EIF2S1: variants seen among roughly 807,000 people sequenced by gnomAD.
EIF2S1 encodes eukaryotic translation initiation factor 2 subunit 1.
A neutral mutation model predicts 33.5 loss-of-function variants in EIF2S1; 5 were observed. That is an observed-to-expected ratio of 0.15 (90% CI 0.08 to 0.31). The LOEUF (loss-of-function observed/expected upper bound fraction) is 0.31. EIF2S1 is among the 10% of genes least tolerant of loss of function. The pLI is 1.00. For missense variants in EIF2S1, 191 were observed against 384.6 expected, an observed-to-expected ratio of 0.50 and a Z score of 4.21; for synonymous variants, 99 against 127.5, an observed-to-expected ratio of 0.78 and a Z score of 1.51.
At chr14:67,377,083 A>T (rs1225258283) in intron 4 of EIF2S1, among the ~76,000 whole-genome samples, 1 of 152,158 alleles carries the variant, frequency 6.6e-6, no homozygotes, top group Non-Finnish European at 1.5e-5. Context: ...TTAATTCTGT[A>T]TGTTAGGATC....
At chr14:67,364,564 T>C (rs1242571186) in intron 1 of EIF2S1, 2 of 507,488 alleles carry the variant, frequency 3.9e-6, no homozygotes, top group Non-Finnish European at 6.8e-6. Context: ...ACAAAAATGT[T>C]GAGCAAAATA....
At chr14:67,379,356 T>A (rs2085873829) in intron 4 of EIF2S1, among the ~76,000 whole-genome samples, 1 of 152,250 alleles carries the variant, frequency 6.6e-6, no homozygotes. Flanking sequence ...CACAGTAGTA[T>A]CTTTTGATTT....
At position 67,385,166 on chromosome 14, in the gene EIF2S1, CAAAACTT is replaced by C. The variant is rs2085913690; in HGVS notation, c.*1731_*1737del. ...CTGATACCACGAGGAAAAGAACAAA[CAAAACTT>C]AAAAGTATTCATACACCTTGCTAAC... On this transcript the variant is annotated 3_prime_UTR_variant, in exon 8 of 8. Coordinates refer to ENST00000256383, the MANE Select transcript of EIF2S1 (RefSeq NM_004094.5). The C allele has an allele frequency of 6.6e-6, 1 of 152,066 alleles. No individual in the cohort carries two copies. The highest frequency in any genetic ancestry group is 1.5e-5 in the Non-Finnish European group (1 of 68,018). The allele number at this position is 152,066 out of a possible 1,614,324, so 9.4% of individuals were successfully genotyped here.
intron 7 of EIF2S1, 29 bp from the exon 8 acceptor site, chr14:67,383,286 A>G (rs903889605): frequency 8.1e-6 from 13 of 1,609,078 alleles, no homozygotes; most frequent in Admixed American, 5.0e-5. Context: ...TTACTACTTC[A>G]GTTTGAAATT....
At chr14:67,363,015 C>T (rs1595642678) in intron 1 of EIF2S1, among the ~76,000 whole-genome samples, 1 of 152,168 alleles carries the variant, frequency 6.6e-6, no homozygotes, top group African/African-American at 2.4e-5. Flanking sequence ...CAAATTAAGC[C>T]TTGCTTCCCC....
intron 1 of EIF2S1, among the ~76,000 whole-genome samples, chr14:67,362,667 A>G (rs1027789588): frequency 6.6e-6 from 1 of 152,184 alleles, no homozygotes; most frequent in African/African-American, 2.4e-5. Flanking sequence ...TGAGGACCAA[A>G]TAAAATAAGA....
intron 4 of EIF2S1, among the ~76,000 whole-genome samples, chr14:67,378,080 A>G (rs1476588725): frequency 2.6e-5 from 4 of 151,438 alleles, no homozygotes; most frequent in African/African-American, 9.7e-5. Flanking sequence ...TTGTGATTGC[A>G]CCACTGCACT....
chr14:67,374,908 T>C (rs1012534318), intron 3 of EIF2S1, among the ~76,000 whole-genome samples: 2 of 152,176 alleles, frequency 1.3e-5, no homozygotes, highest in African/African-American at 2.4e-5. Context: ...TTGGCCAAAA[T>C]ACAGTTCTTG....
chr14:67,371,437 TAAG>T (rs2085820708), intron 2 of EIF2S1, among the ~76,000 whole-genome samples: 2 of 151,896 alleles, frequency 1.3e-5, no homozygotes, highest in African/African-American at 4.8e-5. Context: ...AAAAAAAAGT[TAAG>T]GAGGCGGGAA....
At chr14:67,383,126 A>G (rs1480512065) in intron 7 of EIF2S1, among the ~76,000 whole-genome samples, 189 bp from the exon 8 acceptor site, 1 of 152,174 alleles carries the variant, frequency 6.6e-6, no homozygotes, top group Non-Finnish European at 1.5e-5. Context: ...TTTCTATACT[A>G]TTCTCATAAG....
chr14:67,361,748 A>C (rs1339129473), intron 1 of EIF2S1, among the ~76,000 whole-genome samples: 1 of 152,254 alleles, frequency 6.6e-6, no homozygotes, highest in Non-Finnish European at 1.5e-5. Context: ...ATCAGAACAC[A>C]TAAGAGTATT....
chr14:67,384,298 T>C lies in EIF2S1; in HGVS notation c.*858T>C, dbSNP rs1229331432. 1 of 152,102 alleles carries C rather than the reference T, an allele frequency of 6.6e-6. No homozygotes were observed. Among genetic ancestry groups the C allele is most frequent in the African/African-American group, 2.4e-5 (1 of 41,442 alleles). The allele number at this position is 152,102 out of a possible 1,614,324, so 9.4% of individuals were successfully genotyped here. ...TTTTATTTTTATTGCTATTAAAATA[T>C]CCACTAGATGCCACCTAGAGCTCCA... is the stretch of plus-strand genomic sequence containing the variant. On this transcript the variant is annotated 3_prime_UTR_variant, in exon 8 of 8. Transcript: ENST00000256383.
chr14:67,374,588 G>A (rs932139438), intron 3 of EIF2S1, 41 bp downstream of exon 3: 13 of 1,325,450 alleles, frequency 9.8e-6, no homozygotes, highest in African/African-American at 1.5e-5. Context: ...CTATCTGTGT[G>A]TTTAATAAAT....
chr14:67,375,253 T>C, intron 3 of EIF2S1, among the ~76,000 whole-genome samples: 1 of 145,560 alleles, frequency 6.9e-6, no homozygotes, highest in South Asian at 2.1e-4. Flanking sequence ...TGTGTGTGTG[T>C]GTGTGTGTGT....
Position 67,380,676 on chromosome 14 carries a change from A to G in EIF2S1, c.491A>G (p.Asp164Gly), listed in dbSNP as rs765926237. ...TTGACCAGAGACCCATCTATTTTGGATAGTTTAGATTTGAATGAAGATGAA... is the reference window on the plus strand; with the variant it reads ...TTGACCAGAGACCCATCTATTTTGGGTAGTTTAGATTTGAATGAAGATGAA... The part of the protein sequence containing the change: ...KHAVSDPSIL[D>G]SLDLNEDERE... Residue 164 changes from aspartate to glycine, a missense_variant, in exon 5 of 8, where the codon GAT becomes GGT. Transcript: ENST00000256383. 41 of 1,566,104 alleles carry G rather than the reference A, an allele frequency of 2.6e-5. No homozygotes were observed. The highest frequency in any genetic ancestry group is 3.5e-5 in the Non-Finnish European group (40 of 1,158,922).
chr14:67,363,837 C>T (rs1041844422), intron 1 of EIF2S1, among the ~76,000 whole-genome samples: 8 of 152,248 alleles, frequency 5.3e-5, no homozygotes, highest in African/African-American at 1.9e-4. Flanking sequence ...TTACTACCTA[C>T]GTTTTGAGCA....
chr14:67,380,306 C>A (rs538972495), intron 4 of EIF2S1, among the ~76,000 whole-genome samples: 1 of 151,896 alleles, frequency 6.6e-6, no homozygotes, highest in Non-Finnish European at 1.5e-5. Context: ...TGTACTGTTA[C>A]ATTTAAAAGT....
At chr14:67,375,556 A>G (rs1449300215) in intron 3 of EIF2S1, among the ~76,000 whole-genome samples, 2 of 151,840 alleles carry the variant, frequency 1.3e-5, no homozygotes, top group African/African-American at 4.8e-5. Context: ...TTCAATGAAG[A>G]GATTTTAAAA....
intron 2 of EIF2S1, among the ~76,000 whole-genome samples, chr14:67,370,502 T>C (rs1317997036): frequency 6.6e-6 from 1 of 152,018 alleles, no homozygotes; most frequent in Non-Finnish European, 1.5e-5. Context: ...ATAACACAAA[T>C]TACCAATCTG....
Sources: gnomAD v4.1 joint callset for allele counts (sites outside exome capture counted in the v4.1 genomes callset) on GRCh38, gnomAD v4.1.1 for gene constraint, MANE v1.5 for transcripts, NCBI Gene and HGNC (gene_info 2026-07-23, HGNC 2026-07-21) for gene names.